Variants in USHBP1 observed in about 807,000 individuals in gnomAD.
USHBP1 encodes the protein harmonin-binding protein USHBP1.
A neutral mutation model predicts 76.2 loss-of-function variants in USHBP1; 67 were observed. The observed-to-expected ratio is 0.88, with a 90% confidence interval of 0.72 to 1.08. The LOEUF (loss-of-function observed/expected upper bound fraction) is 1.08, where lower values mean the gene tolerates loss of function less well. Among genes scored for constraint, USHBP1 ranks in the 50% least tolerant of loss-of-function variants. USHBP1 has a pLI of 0.00. For missense variants in USHBP1, 931 were observed against 915.0 expected (o/e 1.02, Z -0.23); for synonymous variants, 322 against 362.2 (o/e 0.89, Z 1.26).
At chr19:17,260,063 C>A (rs1485811946) in intron 4 of USHBP1, 41 bp from the exon 5 acceptor site, 3 of 1,588,284 alleles carry the variant, frequency 1.9e-6, no homozygotes, top group East Asian at 2.3e-5. Flanking sequence ...GGGGCTCAAA[C>A]CAACCACCAG....
intron 9 of USHBP1, 120 bp from the exon 10 acceptor site, chr19:17,255,726 C>G: frequency 9.1e-7 from 1 of 1,099,092 alleles, no homozygotes; most frequent in Non-Finnish European, 1.3e-6. Flanking sequence ...TTTGGCCAGG[C>G]GCAGTGGCTC....
chr19:17,250,520 C>T, intron 12 of USHBP1, 106 bp from the exon 13 acceptor site: 1 of 1,291,566 alleles, frequency 7.7e-7, no homozygotes, highest in Non-Finnish European at 1.1e-6. Context: ...ATTGGGTCTC[C>T]AAGGGTCCCA....
intron 7 of USHBP1, 145 bp from the exon 8 acceptor site, chr19:17,258,530 G>A: frequency 1.2e-6 from 1 of 806,662 alleles, no homozygotes; most frequent in Admixed American, 2.9e-5. Context: ...CCAACATGGT[G>A]AAACCCCGTC....
chr19:17,255,631 G>T (rs1298243339), intron 9 of USHBP1, 25 bp from the exon 10 acceptor site: 2 of 1,583,014 alleles, frequency 1.3e-6, no homozygotes, highest in Non-Finnish European at 1.7e-6. Context: ...AGAGGGGAGA[G>T]AATTTATGCT....
chr19:17,260,331 T>G (rs545884840), intron 4 of USHBP1, among the ~76,000 whole-genome samples: 1 of 152,102 alleles, frequency 6.6e-6, no homozygotes, highest in East Asian at 1.9e-4. Context: ...CCACATGGCT[T>G]TTTTATTTTT....
intron 10 of USHBP1, among the ~76,000 whole-genome samples, chr19:17,253,583 C>G (rs1047879454): frequency 1.6e-4 from 24 of 149,916 alleles, no homozygotes; most frequent in African/African-American, 5.1e-4. Context: ...GCCACCGTGC[C>G]TGGCCAATAA....
chr19:17,263,070 C>G, intron 3 of USHBP1, 80 bp from the exon 4 acceptor site: 1 of 1,418,298 alleles, frequency 7.1e-7, no homozygotes, highest in Non-Finnish European at 9.4e-7. Flanking sequence ...CGGAGTCTCA[C>G]TCTGTTGCCC....
chr19:17,259,365 G>A lies in USHBP1; in HGVS notation c.970C>T (p.Arg324Cys), dbSNP rs759100527. The A allele has an allele frequency of 2.7e-5, 43 of 1,614,006 alleles. No homozygotes were observed. The highest frequency in any genetic ancestry group is 1.6e-4 in the Middle Eastern group (1 of 6,084). Residue 324 changes from arginine to cysteine, a missense_variant, in exon 7 of 13, where the codon CGC (arginine) becomes TGC (cysteine). Transcript: ENST00000252597. ...AGCTGCATGCTGAGGCCTTCACAGC[G>A]GCCCTTGTATCCCTGTAGCACAGCT... ...LSAVLQGYKG[R>C]CEGLSMQLGQ...
In USHBP1 at chr19:17,256,631, G is replaced by A. The variant is rs760039499; in HGVS notation, c.1310C>T (p.Ser437Phe). Reference protein sequence around the residue: ...SYVQRLQERRSLMKILSEPGP... With the variant: ...SYVQRLQERRFLMKILSEPGP... Reference sequence around the variant, plus strand: ...AGGCTCTGAGAGAATCTTCATTAGAGAACGGCGCTCCTGGAGACGCTGGAC... The same window carrying A: ...AGGCTCTGAGAGAATCTTCATTAGAAAACGGCGCTCCTGGAGACGCTGGAC... Residue 437 changes from serine (S) to phenylalanine (F), a missense_variant, in exon 9 of 13, where the codon TCT becomes TTT. Physicochemically the swap from Ser to Phe is radical, Grantham distance 155. Coordinates refer to ENST00000252597, the MANE Select transcript of USHBP1 (RefSeq NM_031941.4). 1.9e-6 allele frequency: 3 copies of A among 1,614,214 alleles called. No homozygotes were observed. The highest frequency in any genetic ancestry group is 2.5e-6 in the Non-Finnish European group (3 of 1,180,046).
At position 17,262,982 on chromosome 19, in the gene USHBP1, T is replaced by G. The variant is rs144848410; in HGVS notation, c.212A>C (p.Lys71Thr). 5.4e-5 allele frequency: 82 copies of G among 1,518,290 alleles called. No homozygotes were observed. The highest frequency in any genetic ancestry group is 5.3e-4 in the Middle Eastern group (3 of 5,612). 94.1% of individuals were successfully genotyped at this position (1,518,290 alleles called of 1,614,324 possible). ...CCTGCCAGAGCCCCCATCCATCTTC[T>G]TGTCAGTCCTGTGGACACCAACTCA... ...SGQGLGSRTD[K>T]KMDGGSGREL... Residue 71 changes from lysine (K) to threonine (T), a missense_variant, in exon 4 of 13, where the codon AAG becomes ACG. Physicochemically the swap from Lys to Thr is moderately conservative, Grantham distance 78. Transcript: ENST00000252597.
chr19:17,249,947 C>G lies in USHBP1; in HGVS notation c.*278G>C. On this transcript the variant is annotated 3_prime_UTR_variant, in exon 13 of 13. Coordinates refer to ENST00000252597, the MANE Select transcript of USHBP1 (RefSeq NM_031941.4). ...AACCTCACGGACCCCCGAAATGCGT[C>G]AGTCCCAGGGACCTGGTCCCATAGC... 2.3e-6 allele frequency: 1 copy of G among 441,404 alleles called. No homozygotes were observed. The highest frequency in any genetic ancestry group is 2.7e-5 in the South Asian group (1 of 36,566). The allele number at this position is 441,404 out of a possible 1,614,324, so 27.3% of individuals were successfully genotyped here. A position where few individuals can be genotyped will look rare whatever the true frequency, so the allele number is the denominator to read the frequency against.
rs756880954 is a variant in USHBP1, at chr19:17,250,292, G to A, written c.2045C>T (p.Thr682Ile). Residue 682 changes from threonine (T) to isoleucine (I), a missense_variant, in exon 13 of 13, where the codon ACT becomes ATT. By Grantham distance (89) the Thr-to-Ile change is moderately conservative. Transcript: ENST00000252597. ...QAEEVAVLEATARALGKPRPP... is the reference protein window; with the variant it reads ...QAEEVAVLEAIARALGKPRPP... ...CCTGGGCTTCCCCAGGGCCCTTGCA[G>A]TGGCTTCGAGCACCGCCACCTCCTC... The A allele has an allele frequency of 1.4e-5, 23 of 1,613,518 alleles. No homozygotes were observed. In the Admixed American group the frequency reaches 2.2e-4, roughly 15 times the overall value.
rs1305218527 is a variant in USHBP1, at chr19:17,255,650, C to T, written c.1471-44G>A. On this transcript the variant is annotated intron_variant, in intron 9 of 12. Transcript: ENST00000252597. The stretch of plus-strand genomic sequence containing the variant: ...GGGAGAGAATTTATGCTTCTACGGT[C>T]AACTGCAGGGAAACTGAGGCCCCAA... 6 of 1,536,094 alleles carry T rather than the reference C, an allele frequency of 3.9e-6. No homozygotes were observed. In the East Asian group the frequency reaches 1.4e-4, roughly 37 times the overall value.
At chr19:17,261,423 C>A (rs1370691536) in intron 4 of USHBP1, among the ~76,000 whole-genome samples, 1 of 150,550 alleles carries the variant, frequency 6.6e-6, no homozygotes, top group Non-Finnish European at 1.5e-5. Context: ...GCAAGCTCCG[C>A]CTCCCGGGTT....
chr19:17,252,841 C>T (rs1176167703), intron 10 of USHBP1, among the ~76,000 whole-genome samples: 1 of 150,968 alleles, frequency 6.6e-6, no homozygotes, highest in Admixed American at 6.6e-5. Flanking sequence ...AAGCTGGGAT[C>T]GCAGCACTGC....
In USHBP1 at chr19:17,259,278, G is replaced by C; in HGVS notation, c.1046+11C>G. 6.3e-7 allele frequency: 1 copy of C among 1,587,086 alleles called. No homozygotes were observed. The highest frequency in any genetic ancestry group is 8.6e-7 in the Non-Finnish European group (1 of 1,164,950). On this transcript the variant is annotated intron_variant, in intron 7 of 12. Transcript: ENST00000252597. Reference sequence around the variant, plus strand: ...CCCCAGCTGGTGACATCACTGGCAGGGTGCACTGACCTGTACTGCAAGGCC... The same window carrying C: ...CCCCAGCTGGTGACATCACTGGCAGCGTGCACTGACCTGTACTGCAAGGCC...
In USHBP1 at chr19:17,256,615, G is replaced by C; in HGVS notation, c.1326C>G (p.Leu442=). 2 of 1,614,238 alleles carry C rather than the reference G, an allele frequency of 1.2e-6. No individual in the cohort carries two copies. The highest frequency in any genetic ancestry group is 1.3e-5 in the African/African-American group (1 of 75,068). Residue 442 remains leucine, a synonymous_variant, in exon 9 of 13, where the codon CTC becomes CTG. Transcript: ENST00000252597. ...LQERRSLMKI[L]SEPGPTLAPM... Reference sequence around the variant, plus strand: ...GTGCCAAGGTGGGGCCAGGCTCTGAGAGAATCTTCATTAGAGAACGGCGCT... The same window carrying C: ...GTGCCAAGGTGGGGCCAGGCTCTGACAGAATCTTCATTAGAGAACGGCGCT...
In USHBP1 at chr19:17,262,636, G is replaced by C. The variant is rs749726078; in HGVS notation, c.558C>G (p.Ala186=). The C allele has an allele frequency of 1.9e-6, 3 of 1,613,878 alleles. No individual in the cohort carries two copies. In the African/African-American group the frequency reaches 4.0e-5, roughly 22 times the overall value. The change falls in exon 4 of 13, where the codon GCC becomes GCG. Residue 186 remains alanine (A), a synonymous_variant. Coordinates refer to ENST00000252597, the MANE Select transcript of USHBP1 (RefSeq NM_031941.4). The part of the protein sequence containing the change: ...LAERNAWLRL[A]LSSREDELVR... ...CCAGCTCATCCTCTCGGCTACTCAGGGCCAGCCGGAGCCAGGCATTCCTCT... is the reference window on the plus strand; with the variant it reads ...CCAGCTCATCCTCTCGGCTACTCAGCGCCAGCCGGAGCCAGGCATTCCTCT...
intron 4 of USHBP1, among the ~76,000 whole-genome samples, chr19:17,260,851 C>T (rs191424315): frequency 2.9e-4 from 44 of 152,280 alleles, no homozygotes; most frequent in Non-Finnish European, 6.0e-4. Flanking sequence ...CCTTCTAGTC[C>T]AGCAGGTCCC....
Sources: allele counts gnomAD v4.1 joint callset (sites outside exome capture counted in the v4.1 genomes callset), GRCh38; gene constraint gnomAD v4.1.1; transcripts MANE v1.5; gene names NCBI Gene and HGNC (gene_info 2026-07-23, HGNC 2026-07-21).